The following LOXL3 variants were observed in gnomAD, a reference collection of about 807,000 sequenced individuals.
LOXL3 encodes lysyl oxidase homolog 3.
In LOXL3, 60 loss-of-function variants were observed where a neutral mutation model predicts 91.8. The ratio of observed to expected loss-of-function variants is 0.65; its 90% CI spans 0.53 to 0.81. The LOEUF (loss-of-function observed/expected upper bound fraction) is 0.81, where lower values mean the gene tolerates loss of function less well. Among genes scored for constraint, LOXL3 ranks in the 30% least tolerant of loss-of-function variants. LOXL3 has a pLI of 0.00. For synonymous variants in LOXL3, 355 were observed against 387.6 expected (o/e 0.92, Z 0.99); for missense variants, 874 against 1,000.4 (o/e 0.87, Z 1.70).
Position 74,532,802 on chromosome 2 carries a change from G to C in LOXL3, c.*804C>G. The C allele has an allele frequency of 1.2e-6, 2 of 1,614,124 alleles. No individual in the cohort carries two copies. The highest frequency in any genetic ancestry group is 1.1e-5 in the South Asian group (1 of 91,072). ...GCTTTGTACTCCTTCCTTTCTCTCT[G>C]TCCATTTTTCTCTATAGGGCTGGTC... On this transcript the variant is annotated 3_prime_UTR_variant, in exon 14 of 14. Transcript: ENST00000264094.
Position 74,542,636 on chromosome 2 carries a change from T to C in LOXL3, c.693-5708A>G, listed in dbSNP as rs541684217. On this transcript the variant is annotated intron_variant, in intron 4 of 13. Transcript: ENST00000264094. The stretch of plus-strand genomic sequence containing the variant: ...TATCCTCTCTTCCTACTTTTTTTTT[T>C]TTTTTTTGAGACAGAGTCTCGATCT... Among the ~76,000 whole-genome samples, 3 of 151,556 alleles carry C rather than the reference T, an allele frequency of 2.0e-5. No homozygotes were observed. In the East Asian group the frequency reaches 5.8e-4, roughly 29 times the overall value.
chr2:74,533,477 C>T lies in LOXL3; in HGVS notation c.*129G>A, dbSNP rs976406145. 1.1e-5 allele frequency: 8 copies of T among 751,676 alleles called. No homozygotes were observed. In the African/African-American group the frequency reaches 1.2e-4, roughly 11 times the overall value. The allele number at this position is 751,676 out of a possible 1,614,324, so 46.6% of individuals were successfully genotyped here. On this transcript the variant is annotated 3_prime_UTR_variant, in exon 14 of 14. Coordinates refer to ENST00000264094, the MANE Select transcript of LOXL3 (RefSeq NM_032603.5). Reference sequence around the variant, plus strand: ...GGGTGAAAACTTCTGCTTGACAGTTCCACATCCATAGTGCATGGTCTGATG... The same window carrying T: ...GGGTGAAAACTTCTGCTTGACAGTTTCACATCCATAGTGCATGGTCTGATG...
chr2:74,555,205 G>T (rs1677345844), upstream of LOXL3: 1 of 1,613,542 alleles, frequency 6.2e-7, no homozygotes, highest in East Asian at 2.2e-5. The surrounding 1 kb of genome is among the most constrained non-coding windows in gnomAD (Gnocchi z 6.1). Context: ...CCACGGCGTA[G>T]CGCGGCTCGA....
At chr2:74,539,175 G>A (rs1336205065) in intron 4 of LOXL3, among the ~76,000 whole-genome samples, 5 of 152,156 alleles carry the variant, frequency 3.3e-5, no homozygotes, top group Non-Finnish European at 4.4e-5. Context: ...TGATTGGTCC[G>A]CAAAAAGGAG....
At position 74,535,152 on chromosome 2, in the gene LOXL3, C is replaced by T. The variant is rs1394981678; in HGVS notation, c.1579+140G>A. The T allele has an allele frequency of 1.1e-5, 10 of 924,968 alleles. No individual in the cohort carries two copies. The African/African-American group carries it at 1.5e-4, about 14-fold the overall frequency. The allele number at this position is 924,968 out of a possible 1,614,324, so 57.3% of individuals were successfully genotyped here. On this transcript the variant is annotated intron_variant, in intron 9 of 13. Coordinates refer to ENST00000264094, the MANE Select transcript of LOXL3 (RefSeq NM_032603.5). The surrounding 1 kb of genome is among the most constrained non-coding windows in gnomAD (Gnocchi z 4.2). ...TTGGCCTCCTAAAGTGCTGGGATTA[C>T]AGGCGTGAGCCACTGCACCCGGCGA...
chr2:74,535,127 T>C lies in LOXL3; in HGVS notation c.1579+165A>G, dbSNP rs1675924626. ...TTCCTGACCTCGTGATCCATCCGCC[T>C]TGGCCTCCTAAAGTGCTGGGATTAC... On this transcript the variant is annotated intron_variant, in intron 9 of 13. Transcript: ENST00000264094. This position sits in a 1 kb window ranked among gnomAD's most constrained non-coding sequence, Gnocchi z 4.2. Among the ~76,000 whole-genome samples, 1 of 152,198 alleles carries C rather than the reference T, an allele frequency of 6.6e-6. No individual in the cohort carries two copies. Among genetic ancestry groups the C allele is most frequent in the Admixed American group, 6.5e-5 (1 of 15,280 alleles).
In LOXL3 at chr2:74,552,480, T is replaced by C. The variant is rs954633340; in HGVS notation, c.155A>G (p.Lys52Arg). 24 of 1,613,480 alleles carry C rather than the reference T, an allele frequency of 1.5e-5. No homozygotes were observed. The African/African-American group carries it at 3.1e-4, about 21-fold the overall frequency. Residue 52 changes from lysine to arginine, a missense_variant, in exon 2 of 14, where the codon AAG becomes AGG. Coordinates refer to ENST00000264094, the MANE Select transcript of LOXL3 (RefSeq NM_032603.5). ...LRFRLAGFPRKPYEGRVEIQR... is the reference protein window; with the variant it reads ...LRFRLAGFPRRPYEGRVEIQR... ...TATCTCCACGCGGCCCTCGTAGGGC[T>C]TCCTGGGGAAGCCAGCCAGCCGGAA...
Position 74,550,330 on chromosome 2 carries a change from T to C in LOXL3, c.332A>G (p.Asn111Ser), listed in dbSNP as rs1381675584. Residue 111 changes from asparagine (N) to serine (S), a missense_variant, in exon 3 of 14, where the codon AAC becomes AGC. Physicochemically the swap from Asn to Ser is conservative, Grantham distance 46. Transcript: ENST00000264094. ...GPGTGRIWLDNLSCSGTEQSV... is the reference protein window; with the variant it reads ...GPGTGRIWLDSLSCSGTEQSV... ...CTGCTCGGTCCCACTGCAGCTCAAG[T>C]TGTCCAGCCAGATGCGGCCTGTGGA... 2 of 1,613,674 alleles carry C rather than the reference T, an allele frequency of 1.2e-6. No individual in the cohort carries two copies. The highest frequency in any genetic ancestry group is 2.7e-5 in the African/African-American group (2 of 74,894).
At position 74,536,988 on chromosome 2, in the gene LOXL3, C is replaced by A; in HGVS notation, c.693-60G>T. ...ACAATGCTCCTGCCTCTTGGCCCCA[C>A]AAACATCCTCCCACTTCATGCCTCC... On this transcript the variant is annotated intron_variant, in intron 4 of 13. Coordinates refer to ENST00000264094, the MANE Select transcript of LOXL3 (RefSeq NM_032603.5). This position sits in a 1 kb window ranked among gnomAD's most constrained non-coding sequence, Gnocchi z 4.5. The A allele has an allele frequency of 1.4e-6, 2 of 1,388,604 alleles. No homozygotes were observed. The highest frequency in any genetic ancestry group is 1.0e-6 in the Non-Finnish European group (1 of 991,396). 86.0% of individuals were successfully genotyped at this position (1,388,604 alleles called of 1,614,324 possible).
chr2:74,539,394 G>A (rs768018047), intron 4 of LOXL3, among the ~76,000 whole-genome samples: 10 of 152,238 alleles, frequency 6.6e-5, no homozygotes, highest in Middle Eastern at 3.4e-3. Flanking sequence ...GAAATCTAGC[G>A]ATGTCAATCC....
rs1676170578 is a variant in LOXL3 at position 74,538,973 on chromosome 2, TGATTTCTAAGA to T, written c.693-2056_693-2046del. On this transcript the variant is annotated intron_variant, in intron 4 of 13. Coordinates refer to ENST00000264094, the MANE Select transcript of LOXL3 (RefSeq NM_032603.5). ...ACACTTCAGTAAATGCCCTGGAAGG[TGATTTCTAAGA>T]GCTGCTGCTGCTCCTCCTCTTGGTC... Among the ~76,000 whole-genome samples the T allele has an allele frequency of 2.6e-5, 4 of 152,244 alleles. No individual in the cohort carries two copies. In the South Asian group the frequency reaches 8.3e-4, roughly 32 times the overall value.
Position 74,534,574 on chromosome 2 carries a change from G to T in LOXL3, c.1780C>A (p.Pro594Thr). 6.2e-7 allele frequency: 1 copy of T among 1,614,212 alleles called. No individual in the cohort carries two copies. The highest frequency in any genetic ancestry group is 8.5e-7 in the Non-Finnish European group (1 of 1,180,034). Residue 594 changes from proline (P) to threonine (T), a missense_variant, in exon 10 of 14, where the codon CCC (proline) becomes ACC (threonine). By Grantham distance (38) the Pro-to-Thr change is conservative (BLOSUM62 -1). Transcript: ENST00000264094. Reference protein sequence around the residue: ...IHNLGRADFRPKAGRHSWVWH... With the variant: ...IHNLGRADFRTKAGRHSWVWH... ...ACCCAGGAGTGGCGCCCAGCCTTGG[G>T]CCTGAAGTCAGCTCGTCCCAGGTTG...
chr2:74,535,266 C>A lies in LOXL3; in HGVS notation c.1579+26G>T. ...GTGGCCCAGACACTCCCTTCCCTGG[C>A]ATGCATCACCCCCTCCTTCACTCAC... On this transcript the variant is annotated intron_variant, in intron 9 of 13. Transcript: ENST00000264094. This position sits in a 1 kb window ranked among gnomAD's most constrained non-coding sequence, Gnocchi z 4.2. 6.3e-7 allele frequency: 1 copy of A among 1,595,168 alleles called. No homozygotes were observed. The highest frequency in any genetic ancestry group is 8.6e-7 in the Non-Finnish European group (1 of 1,168,434).
In LOXL3 at chr2:74,535,123, C is replaced by T. The variant is rs371830416; in HGVS notation, c.1579+169G>A. ...TGAATTCCTGACCTCGTGATCCATC[C>T]GCCTTGGCCTCCTAAAGTGCTGGGA... On this transcript the variant is annotated intron_variant, in intron 9 of 13. Transcript: ENST00000264094. This position sits in a 1 kb window ranked among gnomAD's most constrained non-coding sequence, Gnocchi z 4.2. Among the ~76,000 whole-genome samples, 7 of 152,138 alleles carry T rather than the reference C, an allele frequency of 4.6e-5. No homozygotes were observed. The highest frequency in any genetic ancestry group is 7.2e-5 in the African/African-American group (3 of 41,424).
At chr2:74,541,841 T>C (rs1023562467) in intron 4 of LOXL3, among the ~76,000 whole-genome samples, 2 of 150,474 alleles carry the variant, frequency 1.3e-5, no homozygotes, top group Non-Finnish European at 3.0e-5. Context: ...CCCTTTTATC[T>C]TATAAATATT....
chr2:74,554,807 G>A (rs777159494), upstream of LOXL3: 3 of 1,614,096 alleles, frequency 1.9e-6, no homozygotes, highest in South Asian at 3.3e-5. This position sits in a 1 kb window ranked among gnomAD's most constrained non-coding sequence, Gnocchi z 4.9. Context: ...CAGCGCTTTG[G>A]GACCAAGGTA....
At chr2:74,542,520 G>A (rs891936625) in intron 4 of LOXL3, among the ~76,000 whole-genome samples, 1 of 145,450 alleles carries the variant, frequency 6.9e-6, no homozygotes, top group Non-Finnish European at 1.5e-5. Context: ...TCCTACACAT[G>A]CACACACACA....
intron 3 of LOXL3, 61 bp downstream of exon 3, chr2:74,550,124 A>G: frequency 6.5e-7 from 1 of 1,539,008 alleles, no homozygotes; most frequent in Non-Finnish European, 8.8e-7. Flanking sequence ...TCCGCTAACC[A>G]CCCCACAGTA....
Position 74,533,013 on chromosome 2 carries a change from G to C in LOXL3, c.*593C>G, listed in dbSNP as rs761473003. On this transcript the variant is annotated 3_prime_UTR_variant, in exon 14 of 14. Coordinates refer to ENST00000264094, the MANE Select transcript of LOXL3 (RefSeq NM_032603.5). The stretch of plus-strand genomic sequence containing the variant: ...AGATCACCAAGAGTATGAGGCTCCT[G>C]CTCTGATTTCCTCCTTGCCTTTCTG... The C allele has an allele frequency of 2.5e-6, 4 of 1,609,524 alleles. No homozygotes were observed. Among genetic ancestry groups the C allele is most frequent in the Non-Finnish European group, 3.4e-6 (4 of 1,176,554 alleles).
Sources: gnomAD v4.1 joint callset for allele counts (sites outside exome capture counted in the v4.1 genomes callset) on GRCh38, gnomAD v4.1.1 for gene constraint, Gnocchi (gnomAD v3.1) non-coding constraint, MANE v1.5 for transcripts, NCBI Gene and HGNC (gene_info 2026-07-23, HGNC 2026-07-21) for gene names.